DIP2C: variants seen among roughly 807,000 people sequenced by gnomAD.
DIP2C encodes the protein DIP2 acetate--CoA ligase C (putative), also known as disco-interacting protein 2 homolog C.
Under a neutral mutation model 192.4 loss-of-function variants are expected in DIP2C, and 33 were observed. The ratio of observed to expected loss-of-function variants is 0.17; its 90% confidence interval spans 0.13 to 0.23. The LOEUF (loss-of-function observed/expected upper bound fraction) is 0.23, where lower values mean the gene tolerates loss of function less well. DIP2C is among the 10% of genes least tolerant of loss of function. The probability of loss-of-function intolerance (pLI) is 1.00; values close to 1 mark genes in which losing one functional copy is unlikely to be tolerated. For missense variants in DIP2C, 1,537 were observed against 2,110.1 expected (o/e 0.73, Z 5.32); for synonymous variants, 979 against 864.1 (o/e 1.13, Z -2.33).
At position 626,805 on chromosome 10, in the gene DIP2C, G is replaced by A. The variant is rs142377232; in HGVS notation, c.85+62689C>T. 8.9e-3 allele frequency among the ~76,000 whole-genome samples: 1,358 copies of A among 152,298 alleles called. 9 individuals are homozygous for A. Among genetic ancestry groups the A allele is most frequent in the Non-Finnish European group, 0.013 (872 of 68,032 alleles). ...GGAACACCCCACGGTCACGCCGATC[G>A]TCAGGCAGGATGAAAACATCGGTGT... On this transcript the variant is annotated intron_variant, in intron 1 of 36. Coordinates refer to ENST00000280886, the MANE Select transcript of DIP2C (RefSeq NM_014974.3).
At chr10:446,940 T>C (rs1237745609) in intron 3 of DIP2C, among the ~76,000 whole-genome samples, 1 of 152,220 alleles carries the variant, frequency 6.6e-6, no homozygotes, top group Non-Finnish European at 1.5e-5. Flanking sequence ...CAAACTCAAC[T>C]GGTTGTGATA....
chr10:320,956 CGGAGCA>C (rs1391166221), intron 31 of DIP2C, among the ~76,000 whole-genome samples: 1 of 152,084 alleles, frequency 6.6e-6, no homozygotes, highest in Admixed American at 6.5e-5. Flanking sequence ...GGGACCCGGG[CGGAGCA>C]GGATGAGGGC....
chr10:602,570 G>C (rs181190715), intron 1 of DIP2C, among the ~76,000 whole-genome samples: 28 of 152,186 alleles, frequency 1.8e-4, no homozygotes, highest in African/African-American at 6.8e-4. Context: ...AGATGTTGCC[G>C]TCTGTGAGCA....
At chr10:391,600 C>T (rs1014291905) in intron 10 of DIP2C, among the ~76,000 whole-genome samples, 7 of 152,260 alleles carry the variant, frequency 4.6e-5, no homozygotes, top group East Asian at 1.9e-4. Flanking sequence ...ACTCTCTCTA[C>T]GCCCACCAGC....
chr10:672,955 T>C (rs937479381), intron 1 of DIP2C, among the ~76,000 whole-genome samples: 3 of 152,234 alleles, frequency 2.0e-5, no homozygotes, highest in Non-Finnish European at 4.4e-5. Flanking sequence ...TGAATACCCA[T>C]GTATCAACCC....
At chr10:383,693 C>T (rs1185857988) in intron 16 of DIP2C, among the ~76,000 whole-genome samples, 1 of 152,132 alleles carries the variant, frequency 6.6e-6, no homozygotes, top group African/African-American at 2.4e-5. Context: ...AAATTTATGA[C>T]TTAAGCACCG....
chr10:587,511 C>A (rs547505970), intron 1 of DIP2C, among the ~76,000 whole-genome samples: 1 of 152,208 alleles, frequency 6.6e-6, no homozygotes, highest in Non-Finnish European at 1.5e-5. Flanking sequence ...ACCTACAGTC[C>A]TATAAAGGTC....
intron 6 of DIP2C, among the ~76,000 whole-genome samples, chr10:417,915 TCCACC>T: frequency 1.9e-5 from 2 of 106,188 alleles, no homozygotes; most frequent in Non-Finnish European, 3.9e-5. Flanking sequence ...GGCCTCCCTG[TCCACC>T]TGTTCCTGTC....
intron 3 of DIP2C, among the ~76,000 whole-genome samples, chr10:449,652 G>T (rs1335025008): frequency 2.3e-5 from 3 of 129,032 alleles, no homozygotes; most frequent in Non-Finnish European, 4.9e-5. Flanking sequence ...GAGGGGGGAG[G>T]GATAGCAGTG....
chr10:449,201 C>T (rs1235130950), intron 3 of DIP2C, among the ~76,000 whole-genome samples: 1 of 151,998 alleles, frequency 6.6e-6, no homozygotes, highest in African/African-American at 2.4e-5. Flanking sequence ...TACAGTGGGG[C>T]AGCAAGACCC....
intron 32 of DIP2C, among the ~76,000 whole-genome samples, chr10:307,790 T>C (rs1238848629): frequency 6.6e-6 from 1 of 151,826 alleles, no homozygotes; most frequent in Non-Finnish European, 1.5e-5. Context: ...ACGGTCCATC[T>C]GGAGGGCAGC....
Position 389,998 on chromosome 10 carries a change from G to A in DIP2C, c.1590C>T (p.Tyr530=), listed in dbSNP as rs138579774. The A allele has an allele frequency of 2.7e-5, 43 of 1,613,220 alleles. No homozygotes were observed. In the African/African-American group the frequency reaches 5.5e-4, roughly 21 times the overall value. ...CAGGGTCTGGCACCCCACCTTCCGTGTAGCCACACGCCTGCGTCAGGGCCT... is the reference window on the plus strand; with the variant it reads ...CAGGGTCTGGCACCCCACCTTCCGTATAGCCACACGCCTGCGTCAGGGCCT... The part of the protein sequence containing the change: ...HCQALTQACG[Y]TEAETIVNVL... Residue 530 remains tyrosine (Y), a synonymous_variant, in exon 13 of 37, where the codon TAC becomes TAT. Coordinates refer to ENST00000280886, the MANE Select transcript of DIP2C (RefSeq NM_014974.3).
At chr10:507,576 G>A (rs947271750) in intron 1 of DIP2C, among the ~76,000 whole-genome samples, 9 of 152,338 alleles carry the variant, frequency 5.9e-5, no homozygotes, top group South Asian at 4.1e-4. Context: ...GCGCGGTGAC[G>A]GACCTGGTCA....
chr10:440,779 T>C, intron 4 of DIP2C, 92 bp downstream of exon 4: 1 of 1,497,294 alleles, frequency 6.7e-7, no homozygotes, highest in South Asian at 1.4e-5. Flanking sequence ...TGCTTCATTA[T>C]TTTGAAAGCA....
intron 1 of DIP2C, among the ~76,000 whole-genome samples, chr10:489,276 T>TG (rs1177332768): frequency 6.6e-6 from 1 of 152,236 alleles, no homozygotes; most frequent in Non-Finnish European, 1.5e-5. Context: ...CAGGTTTACA[T>TG]GAGCAAACCT....
At chr10:447,369 C>T (rs1371365407) in intron 3 of DIP2C, among the ~76,000 whole-genome samples, 3 of 148,434 alleles carry the variant, frequency 2.0e-5, no homozygotes, top group East Asian at 2.0e-4. Flanking sequence ...ACCCACTCAC[C>T]CCTGTCGATA....
chr10:681,384 C>G (rs1831126732), intron 1 of DIP2C, among the ~76,000 whole-genome samples: 2 of 151,786 alleles, frequency 1.3e-5, no homozygotes, highest in South Asian at 4.2e-4. Flanking sequence ...GGTACAGCCA[C>G]CATCTATGGC....
chr10:483,132 A>AAC (rs1366784027), intron 2 of DIP2C, among the ~76,000 whole-genome samples: 1 of 152,202 alleles, frequency 6.6e-6, no homozygotes, highest in African/African-American at 2.4e-5. Flanking sequence ...TAGGGAACAG[A>AAC]ACCCCCATTG....
intron 2 of DIP2C, among the ~76,000 whole-genome samples, chr10:480,891 G>A (rs572004842): frequency 1.3e-5 from 2 of 152,304 alleles, no homozygotes; most frequent in African/African-American, 2.4e-5. Context: ...AAAGATTCAC[G>A]CTATGTCACA....
Sources: gnomAD v4.1 joint callset for allele counts (sites outside exome capture counted in the v4.1 genomes callset) on GRCh38, gnomAD v4.1.1 for gene constraint, MANE v1.5 for transcripts, NCBI Gene and HGNC (gene_info 2026-07-23, HGNC 2026-07-21) for gene names.